Variants in CYP20A1 observed in about 807,000 individuals in gnomAD.
CYP20A1 encodes cytochrome P450 20A1.
CYP20A1 carries 61 observed loss-of-function variants against 61.4 expected under a neutral mutation model. The observed-to-expected ratio is 0.99, with a 90% CI of 0.81 to 1.23. The LOEUF (loss-of-function observed/expected upper bound fraction) is 1.23. CYP20A1 is among the 50% of genes most tolerant of loss of function. The probability of loss-of-function intolerance (pLI) is 0.00; values close to 1 mark genes in which losing one functional copy is unlikely to be tolerated. For synonymous variants in CYP20A1, 193 were observed against 188.2 expected, an observed-to-expected ratio of 1.03 and a Z score of -0.21; for missense variants, 530 against 542.4, an observed-to-expected ratio of 0.98 and a Z score of 0.23.
intron 9 of CYP20A1, among the ~76,000 whole-genome samples, chr2:203,288,574 A>G (rs1213997050): frequency 1.3e-5 from 2 of 152,290 alleles, no homozygotes; most frequent in East Asian, 3.9e-4. Context: ...CTCAGTATCT[A>G]GCACAGTGCT....
intron 1 of CYP20A1, among the ~76,000 whole-genome samples, chr2:203,240,470 A>G (rs1035749114): frequency 2.6e-5 from 4 of 152,242 alleles, no homozygotes; most frequent in South Asian, 2.1e-4. Flanking sequence ...TGACTCTTGG[A>G]ATTTATTTCC....
At chr2:203,281,232 C>G (rs1406461613) in intron 8 of CYP20A1, among the ~76,000 whole-genome samples, 1 of 152,056 alleles carries the variant, frequency 6.6e-6, no homozygotes, top group Non-Finnish European at 1.5e-5. Flanking sequence ...GGGGACCAGG[C>G]AAGGTGGCTC....
rs1023430295 is a variant in CYP20A1, at chr2:203,303,301, G to A, written c.*6393G>A. Among the ~76,000 whole-genome samples, 6 of 151,428 alleles carry A rather than the reference G, an allele frequency of 4.0e-5. No homozygotes were observed. Among genetic ancestry groups the A allele is most frequent in the Admixed American group, 2.6e-4 (4 of 15,144 alleles). On this transcript the variant is annotated 3_prime_UTR_variant, in exon 13 of 13. Coordinates refer to ENST00000356079, the MANE Select transcript of CYP20A1 (RefSeq NM_177538.3). ...ATTACAGGCATGAGCCACTGTGCCC[G>A]GCCATTTTTTTGTGTTTTTAGTGGA...
At chr2:203,245,928 T>C in intron 2 of CYP20A1, 33 bp downstream of exon 2, 2 of 1,385,878 alleles carry the variant, frequency 1.4e-6, no homozygotes, top group Non-Finnish European at 2.0e-6. Context: ...TTAAGTAGAG[T>C]TAATTCTTCA....
At chr2:203,239,222 C>A in intron 1 of CYP20A1, 88 bp downstream of exon 1, 1 of 1,151,114 alleles carries the variant, frequency 8.7e-7, no homozygotes. Flanking sequence ...CGCTGCGGGC[C>A]GCAGGGGGCG....
rs964845333 is a variant in CYP20A1 at position 203,300,396 on chromosome 2, C to G, written c.*3488C>G. Among the ~76,000 whole-genome samples the G allele has an allele frequency of 1.3e-5, 2 of 152,250 alleles. No homozygotes were observed. The highest frequency in any genetic ancestry group is 3.4e-3 in the Middle Eastern group (1 of 294). On this transcript the variant is annotated 3_prime_UTR_variant, in exon 13 of 13. Coordinates refer to ENST00000356079, the MANE Select transcript of CYP20A1 (RefSeq NM_177538.3). ...AAAAATCTGTGTTCTTTGTACTTAT[C>G]AAGTGACTCAAATTTTGGCCACTTC...
rs1432800728 is a variant in CYP20A1, at chr2:203,304,131, ATGTC to A, written c.*7226_*7229del. Among the ~76,000 whole-genome samples, 1 of 151,878 alleles carries A rather than the reference ATGTC, an allele frequency of 6.6e-6. No individual in the cohort carries two copies. The highest frequency in any genetic ancestry group is 2.4e-5 in the African/African-American group (1 of 41,374). On this transcript the variant is annotated 3_prime_UTR_variant, in exon 13 of 13. Coordinates refer to ENST00000356079, the MANE Select transcript of CYP20A1 (RefSeq NM_177538.3). ...CTAGTTGAGAGGCTGAGGCAGGAGA[ATGTC>A]TGGGAGGTGGAGGTTGCAGTGTGCC...
rs765184988 is a variant in CYP20A1, at chr2:203,246,876, G to A, written c.244G>A (p.Gly82Ser). The change falls in exon 3 of 13, where the codon GGC (glycine) becomes AGC (serine). Residue 82 changes from glycine (G) to serine (S), a missense_variant. Physicochemically the swap from Gly to Ser is moderately conservative, Grantham distance 56 (BLOSUM62 0). Coordinates refer to ENST00000356079, the MANE Select transcript of CYP20A1 (RefSeq NM_177538.3). The stretch of plus-strand genomic sequence containing the variant: ...TGGCAGGCGCCTCGTGGTTAGTTTG[G>A]GCACTGTTGATGTACTGAAGCAGCA... The part of the protein sequence containing the change: ...WFGRRLVVSL[G>S]TVDVLKQHIN... 2.2e-5 allele frequency: 36 copies of A among 1,614,004 alleles called. No individual in the cohort carries two copies. In the South Asian group the frequency reaches 3.6e-4, roughly 16 times the overall value.
At position 203,297,993 on chromosome 2, in the gene CYP20A1, CAAAA is replaced by C. The variant is rs1200032184; in HGVS notation, c.*1091_*1094del. On this transcript the variant is annotated 3_prime_UTR_variant, in exon 13 of 13. Coordinates refer to ENST00000356079, the MANE Select transcript of CYP20A1 (RefSeq NM_177538.3). ...GAGCAAGACTCTGTCTCAAGAAAAACAAAAAAAAAGATAAATGGACAAAAGACAT... is the reference window on the plus strand; with the variant it reads ...GAGCAAGACTCTGTCTCAAGAAAAACAAAAAGATAAATGGACAAAAGACAT... 1 of 149,594 alleles carries C rather than the reference CAAAA, an allele frequency of 6.7e-6. No individual in the cohort carries two copies. The highest frequency in any genetic ancestry group is 2.5e-5 in the African/African-American group (1 of 40,688). 9.3% of individuals were successfully genotyped at this position (149,594 alleles called of 1,614,324 possible).
rs6435181 is a variant in CYP20A1 at position 203,304,541 on chromosome 2, A to G, written c.*7633A>G. Among the ~76,000 whole-genome samples, 5 of 151,822 alleles carry G rather than the reference A, an allele frequency of 3.3e-5. No individual in the cohort carries two copies. The highest frequency in any genetic ancestry group is 1.2e-4 in the African/African-American group (5 of 41,232). ...AGGAAAAAGAATGCTACCAACCTAA[A>G]CACATTTCTGTGACTGTTTATATTT... On this transcript the variant is annotated 3_prime_UTR_variant, in exon 13 of 13. Transcript: ENST00000356079.
chr2:203,274,214 C>G (rs150635222), intron 6 of CYP20A1, among the ~76,000 whole-genome samples: 5,623 of 146,362 alleles, frequency 0.038, 342 homozygotes, highest in African/African-American at 0.13. Context: ...GAGACAGAGT[C>G]TCACTCTGTT....
chr2:203,287,475 G>A (rs1331699499), intron 9 of CYP20A1, among the ~76,000 whole-genome samples: 1 of 152,052 alleles, frequency 6.6e-6, no homozygotes, highest in East Asian at 1.9e-4. Context: ...GGAGGCTGAG[G>A]CTGGAGGATT....
At chr2:203,265,722 G>A (rs35283447) in intron 4 of CYP20A1, among the ~76,000 whole-genome samples, 3,001 of 151,978 alleles carry the variant, frequency 0.02, 41 homozygotes, top group Non-Finnish European at 0.028. Flanking sequence ...ACAGAGTCTC[G>A]CTCTTTCACC....
At chr2:203,266,735 A>C in intron 5 of CYP20A1, 54 bp downstream of exon 5, 607 of 1,467,562 alleles carry the variant, frequency 4.1e-4, no homozygotes, top group Middle Eastern at 5.9e-4. Flanking sequence ...ACGGCAGCTC[A>C]CACCTGTAAT....
intron 1 of CYP20A1, among the ~76,000 whole-genome samples, chr2:203,241,570 G>C (rs993056716): frequency 1.3e-5 from 2 of 152,226 alleles, no homozygotes; most frequent in African/African-American, 4.8e-5. Context: ...AAGGAAGCCA[G>C]ATGTTTTAAG....
chr2:203,269,909 G>T (rs557707045), intron 5 of CYP20A1, among the ~76,000 whole-genome samples: 1 of 152,298 alleles, frequency 6.6e-6, no homozygotes, highest in African/African-American at 2.4e-5. Flanking sequence ...GATTACAGGC[G>T]TGAGCCACCA....
At chr2:203,293,373 GC>G (rs2068628068) in intron 11 of CYP20A1, among the ~76,000 whole-genome samples, 1 of 150,748 alleles carries the variant, frequency 6.6e-6, no homozygotes, top group Non-Finnish European at 1.5e-5. Flanking sequence ...CCGCCACCAC[GC>G]CCAGCTAATT....
chr2:203,250,957 G>A (rs1361249137), intron 3 of CYP20A1, among the ~76,000 whole-genome samples: 5 of 151,400 alleles, frequency 3.3e-5, no homozygotes, highest in East Asian at 1.9e-4. Flanking sequence ...CCAGCTACTC[G>A]GGAGGCTGAG....
intron 8 of CYP20A1, 99 bp downstream of exon 8, chr2:203,280,212 T>G (rs534432887): frequency 6.7e-6 from 6 of 890,632 alleles, no homozygotes; most frequent in Non-Finnish European, 9.7e-6. Context: ...GAGGCTGAGG[T>G]GGGAGATTGC....
Sources: gnomAD v4.1 joint callset for allele counts (sites outside exome capture counted in the v4.1 genomes callset) on GRCh38, gnomAD v4.1.1 for gene constraint, MANE v1.5 for transcripts, NCBI Gene and HGNC (gene_info 2026-07-23, HGNC 2026-07-21) for gene names.